BCR: variants seen among roughly 807,000 people sequenced by gnomAD.
BCR encodes the protein BCR activator of RhoGEF and GTPase.
BCR carries 58 observed loss-of-function variants against 138.6 expected under a neutral mutation model. The observed-to-expected ratio is 0.42, with a 90% CI of 0.34 to 0.52. The LOEUF is 0.52. Among genes scored for constraint, BCR ranks in the 20% least tolerant of loss-of-function variants. The pLI, the probability that BCR is intolerant of heterozygous loss-of-function variation, is 0.06. For synonymous variants in BCR, 786 were observed against 730.1 expected, an observed-to-expected ratio of 1.08 and a Z score of -1.23; for missense variants, 1,599 against 1,727.2, an observed-to-expected ratio of 0.93 and a Z score of 1.32.
chr22:23,190,849 A>G (rs916070903), intron 1 of BCR, among the ~76,000 whole-genome samples: 11 of 152,176 alleles, frequency 7.2e-5, no homozygotes, highest in African/African-American at 2.4e-4. Flanking sequence ...CTCTCTCCAC[A>G]TCCAAAAAGT....
intron 4 of BCR, chr22:23,262,704 TGAGGGCGGGCCCGG>T: frequency 5.5e-6 from 1 of 180,802 alleles, no homozygotes; most frequent in Non-Finnish European, 7.4e-6. Flanking sequence ...CGGGCCCGGG[TGAGGGCGGGCCCGG>T]GTGAGGGCGG....
intron 5 of BCR, among the ~76,000 whole-genome samples, chr22:23,270,612 A>T (rs527276990): frequency 6.6e-6 from 1 of 152,362 alleles, no homozygotes; most frequent in South Asian, 2.1e-4. Flanking sequence ...AGTGCATGGC[A>T]GCGTTTGGCC....
Position 23,289,506 on chromosome 22 carries a change from C to T in BCR, c.2603-11C>T, listed in dbSNP as rs1161662383. ...TTGACCAATTGGTGCACCTCTTTTC[C>T]AACCTCCCAGGTTTCAGAAGCTTCT... On this transcript the variant is annotated splice_polypyrimidine_tract_variant and intron_variant, in intron 12 of 22. Coordinates refer to ENST00000305877, the MANE Select transcript of BCR (RefSeq NM_004327.4). 1.2e-6 allele frequency: 2 copies of T among 1,611,900 alleles called. No homozygotes were observed. Among genetic ancestry groups the T allele is most frequent in the East Asian group, 4.5e-5 (2 of 44,892 alleles).
chr22:23,264,233 C>T, intron 4 of BCR: 1 of 1,018,180 alleles, frequency 9.8e-7, no homozygotes, highest in Non-Finnish European at 1.6e-6. Context: ...AAAGGGCCTG[C>T]CCGCACACCT....
At chr22:23,232,688 C>T (rs1177420631) in intron 1 of BCR, among the ~76,000 whole-genome samples, 1 of 152,230 alleles carries the variant, frequency 6.6e-6, no homozygotes, top group Non-Finnish European at 1.5e-5. Flanking sequence ...CTACCTGCTG[C>T]ACCCGTGAGC....
At chr22:23,270,785 A>T (rs2073501176) in intron 5 of BCR, among the ~76,000 whole-genome samples, 1 of 152,258 alleles carries the variant, frequency 6.6e-6, no homozygotes, top group South Asian at 2.1e-4. Flanking sequence ...TTTTAGGCAC[A>T]CAGGGATCTT....
At position 23,204,604 on chromosome 22, in the gene BCR, G is replaced by A. The variant is rs562337064; in HGVS notation, c.1279+22365G>A. Among the ~76,000 whole-genome samples, 21 of 152,256 alleles carry A rather than the reference G, an allele frequency of 1.4e-4. No individual in the cohort carries two copies. In the South Asian group the frequency reaches 4.4e-3, roughly 32 times the overall value. On this transcript the variant is annotated intron_variant, in intron 1 of 22. Transcript: ENST00000305877. ...TCCTGCAGTAATGTGGATTGGGGTG[G>A]ATTGGCCTCTGTGTGCACCCTTAAT...
At chr22:23,218,645 G>A (rs1270453614) in intron 1 of BCR, among the ~76,000 whole-genome samples, 3 of 152,196 alleles carry the variant, frequency 2.0e-5, no homozygotes, top group Non-Finnish European at 2.9e-5. Context: ...GCTGAACAGT[G>A]TGCTGATCTC....
intron 2 of BCR, among the ~76,000 whole-genome samples, chr22:23,256,729 C>T (rs1362562490): frequency 6.6e-6 from 1 of 152,188 alleles, no homozygotes; most frequent in Non-Finnish European, 1.5e-5. Context: ...CCTCTTTGCA[C>T]TCTGCCCTGT....
intron 4 of BCR, chr22:23,264,070 G>A (rs984296999): frequency 7.4e-6 from 9 of 1,208,488 alleles, no homozygotes; most frequent in East Asian, 2.3e-5. Context: ...ACCTATGTTC[G>A]CTACTGGGAC....
intron 1 of BCR, among the ~76,000 whole-genome samples, chr22:23,220,696 G>C (rs1717001542): frequency 6.6e-6 from 1 of 152,148 alleles, no homozygotes; most frequent in Admixed American, 6.5e-5. Context: ...AATCAGCTGT[G>C]GGTGTTGATT....
chr22:23,193,238 A>G lies in BCR; in HGVS notation c.1279+10999A>G, dbSNP rs552409667. Among the ~76,000 whole-genome samples, 73 of 152,398 alleles carry G rather than the reference A, an allele frequency of 4.8e-4. No individual in the cohort carries two copies. The South Asian group carries it at 0.013, about 26-fold the overall frequency. On this transcript the variant is annotated intron_variant, in intron 1 of 22. Coordinates refer to ENST00000305877, the MANE Select transcript of BCR (RefSeq NM_004327.4). ...GCATTCGAAGCAACCTACAGGCAAC[A>G]TATGTTGACAGTGCAGACTTTGAAG... is the stretch of plus-strand genomic sequence containing the variant.
intron 16 of BCR, among the ~76,000 whole-genome samples, chr22:23,303,028 C>T (rs568408420): frequency 1.1e-3 from 130 of 114,942 alleles, no homozygotes; most frequent in Middle Eastern, 5.3e-3. Context: ...GCTGCATGGC[C>T]CCCCCCACCC....
chr22:23,181,064 T>G lies in BCR; in HGVS notation c.104T>G (p.Leu35Arg), dbSNP rs1264748759. 18 of 1,523,024 alleles carry G rather than the reference T, an allele frequency of 1.2e-5. No homozygotes were observed. The highest frequency in any genetic ancestry group is 1.6e-5 in the Non-Finnish European group (18 of 1,130,400). 94.3% of individuals were successfully genotyped at this position (1,523,024 alleles called of 1,614,324 possible). A position where few individuals can be genotyped will look rare whatever the true frequency, so the allele number is the denominator to read the frequency against. The change falls in exon 1 of 23, where the codon CTG becomes CGG. Residue 35 changes from leucine to arginine, a missense_variant. Around this residue, in one of 4 missense-constraint regions of BCR, gnomAD observed 806 missense variants for 635.0 expected, o/e 1.27. Transcript: ENST00000305877. ...LRSVGDIEQE[L>R]ERCKASIRRL... ...TCAGTGGGCGACATCGAGCAGGAGC[T>G]GGAGCGCTGCAAGGCCTCCATTCGG...
At chr22:23,206,753 C>T (rs1201322897) in intron 1 of BCR, among the ~76,000 whole-genome samples, 2 of 152,114 alleles carry the variant, frequency 1.3e-5, no homozygotes, top group African/African-American at 4.8e-5. Flanking sequence ...GGTAGCTGTG[C>T]TTGAGCCATT....
chr22:23,269,955 T>C (rs1223185036), intron 5 of BCR, among the ~76,000 whole-genome samples: 1 of 151,918 alleles, frequency 6.6e-6, no homozygotes, highest in Non-Finnish European at 1.5e-5. Flanking sequence ...TGAGCCATGG[T>C]TGAGATGCAG....
chr22:23,247,123 G>C (rs1233072734), intron 1 of BCR, among the ~76,000 whole-genome samples: 2 of 152,162 alleles, frequency 1.3e-5, no homozygotes, highest in Non-Finnish European at 2.9e-5. Flanking sequence ...GTTTGTAGAA[G>C]TCGCTGGCAC....
chr22:23,265,310 A>C (rs1401087889), intron 4 of BCR, among the ~76,000 whole-genome samples: 2 of 152,240 alleles, frequency 1.3e-5, no homozygotes, highest in African/African-American at 2.4e-5. Context: ...ACGTGTGTTC[A>C]ACCTGGGCTG....
intron 1 of BCR, among the ~76,000 whole-genome samples, chr22:23,224,973 G>A (rs187988099): frequency 2.0e-5 from 3 of 151,946 alleles, no homozygotes; most frequent in Admixed American, 6.5e-5. Flanking sequence ...GTCTCTGGTC[G>A]TCTTGGCCAC....
Sources: allele counts gnomAD v4.1 joint callset (sites outside exome capture counted in the v4.1 genomes callset), GRCh38; gene constraint gnomAD v4.1.1; regional missense constraint gnomAD v4.1.1; transcripts MANE v1.5; gene names NCBI Gene and HGNC (gene_info 2026-07-23, HGNC 2026-07-21).